INTS4: variants seen among roughly 807,000 people sequenced by gnomAD.
The protein encoded by INTS4 is integrator complex subunit 4, also known as MSTP093.
A neutral mutation model predicts 119.5 loss-of-function variants in INTS4; 70 were observed. That is an observed-to-expected ratio of 0.59 (90% CI 0.48 to 0.71). The LOEUF is 0.71. Among genes scored for constraint, INTS4 ranks in the 30% least tolerant of loss-of-function variants. The pLI is 0.00. For synonymous variants in INTS4, 316 were observed against 419.6 expected (o/e 0.75, Z 3.02); for missense variants, 867 against 1,173.2 (o/e 0.74, Z 3.81).
intron 11 of INTS4, 107 bp from the exon 12 acceptor site, chr11:77,924,999 G>A (rs1229583657): frequency 2.7e-6 from 2 of 738,950 alleles, no homozygotes; most frequent in East Asian, 5.6e-5. Context: ...GGGTGGCCAT[G>A]TAACAAAGTA....
In INTS4 at chr11:77,964,830, C is replaced by T. The variant is rs191844182; in HGVS notation, c.472-3692G>A. On this transcript the variant is annotated intron_variant, in intron 4 of 22. Coordinates refer to ENST00000534064, the MANE Select transcript of INTS4 (RefSeq NM_033547.4). ...GTCAGGCAAGATTTAATAACAGTTG[C>T]TAAAATGGTGGGTAGTTTGATGAGG... Among the ~76,000 whole-genome samples the T allele has an allele frequency of 5.8e-3, 876 of 151,882 alleles. 6 individuals are homozygous for T. Among genetic ancestry groups the T allele is most frequent in the African/African-American group, 0.019 (798 of 41,444 alleles).
rs776501933 is a variant in INTS4, at chr11:77,981,501, C to G, written c.322G>C (p.Asp108His). 3 of 1,571,844 alleles carry G rather than the reference C, an allele frequency of 1.9e-6. No individual in the cohort carries two copies. Among genetic ancestry groups the G allele is most frequent in the Admixed American group, 1.8e-5 (1 of 56,104 alleles). ...LLSKTAGFSP[D>H]CIMDDAINIL... ...TTGATGGCATCATCCATAATGCAGT[C>G]TGGTGAAAATCCTGCTGTCTTTGAT... Residue 108 changes from aspartate (D) to histidine (H), a missense_variant, in exon 3 of 23, where the codon GAC becomes CAC. By Grantham distance (81) the Asp-to-His change is moderately conservative. This residue lies in a region of INTS4 where 224 missense variants were observed against 231.8 expected (regional missense o/e 0.97). Coordinates refer to ENST00000534064, the MANE Select transcript of INTS4 (RefSeq NM_033547.4).
At chr11:77,988,903 A>T (rs1856555942) in intron 2 of INTS4, among the ~76,000 whole-genome samples, 1 of 152,214 alleles carries the variant, frequency 6.6e-6, no homozygotes, top group Middle Eastern at 3.2e-3. Flanking sequence ...TAGATTTTTG[A>T]AAAGACTGAA....
intron 4 of INTS4, among the ~76,000 whole-genome samples, chr11:77,964,864 A>G (rs1855428364): frequency 1.3e-5 from 2 of 152,086 alleles, no homozygotes; most frequent in South Asian, 2.1e-4. Context: ...GGAAGAGCAT[A>G]TTTACATAAT....
intron 21 of INTS4, among the ~76,000 whole-genome samples, chr11:77,886,312 T>C (rs1025613166): frequency 2.0e-5 from 3 of 152,196 alleles, no homozygotes; most frequent in Non-Finnish European, 4.4e-5. Flanking sequence ...ATTTGTCTAC[T>C]CCAAAAGTGG....
At chr11:77,875,053 A>AG (rs1951559389), downstream of INTS4, among the ~76,000 whole-genome samples, 1 of 152,052 alleles carries the variant, frequency 6.6e-6, no homozygotes, top group Admixed American at 6.5e-5. Context: ...AAAAAAAAAA[A>AG]AAAGACATGA....
chr11:77,877,024 G>A, downstream of INTS4: 1 of 703,088 alleles, frequency 1.4e-6, no homozygotes, highest in South Asian at 1.5e-5. Flanking sequence ...CAGCTTCATG[G>A]CACATCCTTG....
chr11:77,947,504 T>C (rs1014514337), intron 8 of INTS4, among the ~76,000 whole-genome samples: 21 of 152,226 alleles, frequency 1.4e-4, no homozygotes, highest in African/African-American at 4.6e-4. Flanking sequence ...ATTCAAGGTA[T>C]TGAATGCTAC....
intron 1 of INTS4, 134 bp from the exon 2 acceptor site, chr11:77,991,433 A>G (rs1356314658): frequency 1.4e-6 from 1 of 730,346 alleles, no homozygotes; most frequent in Non-Finnish European, 2.2e-6. Flanking sequence ...ATTATAAACC[A>G]GAAAGAGTAC....
intron 8 of INTS4, among the ~76,000 whole-genome samples, chr11:77,952,852 ATATATCAT>A (rs1456350830): frequency 6.6e-6 from 1 of 152,206 alleles, no homozygotes; most frequent in Non-Finnish European, 1.5e-5. Flanking sequence ...TCAGGTAAAG[ATATATCAT>A]TAATTTACTC....
At chr11:77,972,940 A>T (rs899654951) in intron 4 of INTS4, among the ~76,000 whole-genome samples, 4 of 151,746 alleles carry the variant, frequency 2.6e-5, no homozygotes, top group Non-Finnish European at 5.9e-5. Flanking sequence ...TCCTAGGTTC[A>T]AACAATTCTC....
intron 7 of INTS4, among the ~76,000 whole-genome samples, chr11:77,958,131 C>T (rs1954377202): frequency 6.6e-6 from 1 of 152,008 alleles, no homozygotes; most frequent in Non-Finnish European, 1.5e-5. Flanking sequence ...TTAATTCATT[C>T]TGGTTTTCAA....
Position 77,883,892 on chromosome 11 carries a change from G to A in INTS4, c.2653C>T (p.Pro885Ser). Residue 885 changes from proline (P) to serine (S), a missense_variant, in exon 22 of 23, where the codon CCT becomes TCT. Transcript: ENST00000534064. ...ATGAGCCGGTGCCGCCCTGGGCCAG[G>A]ATTCCGGAAGTCTGCAGGCTTGGGG... Reference protein sequence around the residue: ...IHPKPADFRNPGPGRHRLITQ... With the variant: ...IHPKPADFRNSGPGRHRLITQ... 1 of 1,613,102 alleles carries A rather than the reference G, an allele frequency of 6.2e-7. No homozygotes were observed. The highest frequency in any genetic ancestry group is 8.5e-7 in the Non-Finnish European group (1 of 1,179,536).
Position 77,881,303 on chromosome 11 carries a change from C to T in INTS4, c.2714-2176G>A, listed in dbSNP as rs142238697. On this transcript the variant is annotated intron_variant, in intron 22 of 22. Transcript: ENST00000534064. ...ACATGGTCTATGACTGAGCTTCCTA[C>T]GTGGCAGCATCCTGCCTCCCAGAGG... 2.2e-4 allele frequency among the ~76,000 whole-genome samples: 34 copies of T among 152,310 alleles called. 1 individual carries two copies. The South Asian group carries it at 2.9e-3, about 13-fold the overall frequency.
downstream of INTS4, among the ~76,000 whole-genome samples, chr11:77,875,936 G>A (rs139998610): frequency 6.4e-3 from 970 of 152,266 alleles, 4 homozygotes; most frequent in Non-Finnish European, 0.01. Context: ...GGCTGGAAAC[G>A]AAGCAGAGCC....
At chr11:77,914,136 C>T (rs546250596) in intron 15 of INTS4, among the ~76,000 whole-genome samples, 111 of 152,286 alleles carry the variant, frequency 7.3e-4, no homozygotes, top group African/African-American at 2.4e-3. Flanking sequence ...CATCTGCTTC[C>T]CTTTCCAGAT....
rs185413093 is a variant in INTS4, at chr11:77,914,139, T to C, written c.1922+4682A>G. ...AGTGCTATGGTCCATCTGCTTCCCTTTCCAGATTTTTCACCATCCTGCCTA... is the reference window on the plus strand; with the variant it reads ...AGTGCTATGGTCCATCTGCTTCCCTCTCCAGATTTTTCACCATCCTGCCTA... On this transcript the variant is annotated intron_variant, in intron 15 of 22. Coordinates refer to ENST00000534064, the MANE Select transcript of INTS4 (RefSeq NM_033547.4). Among the ~76,000 whole-genome samples the C allele has an allele frequency of 4.6e-4, 70 of 152,294 alleles. 1 individual carries two copies. The highest frequency in any genetic ancestry group is 1.4e-3 in the African/African-American group (57 of 41,562).
chr11:77,928,415 T>C lies in INTS4; in HGVS notation c.1298A>G (p.His433Arg), dbSNP rs1279102165. ...EIEEVRLQSIHTMRKISNNIT... is the reference protein window; with the variant it reads ...EIEEVRLQSIRTMRKISNNIT... ...GTTGTTAGAGATTTTTCTCATGGTA[T>C]GTATAGACTGCAGACGTACTTCCTC... Residue 433 changes from histidine to arginine, a missense_variant, in exon 11 of 23, where the codon CAT becomes CGT. Around this residue, in one of 5 missense-constraint regions of INTS4, gnomAD observed 208 missense variants for 306.6 expected, o/e 0.68. Coordinates refer to ENST00000534064, the MANE Select transcript of INTS4 (RefSeq NM_033547.4). 2.5e-6 allele frequency: 4 copies of C among 1,610,840 alleles called. No homozygotes were observed. The highest frequency in any genetic ancestry group is 1.7e-4 in the Middle Eastern group (1 of 6,044).
intron 4 of INTS4, among the ~76,000 whole-genome samples, 171 bp from the exon 5 acceptor site, chr11:77,961,309 C>T (rs1002262706): frequency 1.1e-4 from 16 of 151,848 alleles, no homozygotes; most frequent in African/African-American, 3.6e-4. Flanking sequence ...TACTTGAGTA[C>T]GGGTCTTCTC....
Sources: gnomAD v4.1 joint callset for allele counts (sites outside exome capture counted in the v4.1 genomes callset) on GRCh38, gnomAD v4.1.1 for gene constraint, gnomAD v4.1.1 regional missense constraint, MANE v1.5 for transcripts, NCBI Gene and HGNC (gene_info 2026-07-23, HGNC 2026-07-21) for gene names.